The following MKX variants were observed in gnomAD, a reference collection of about 807,000 sequenced individuals.
MKX encodes the protein homeobox protein Mohawk.
A neutral mutation model predicts 36.0 loss-of-function variants in MKX; 13 were observed. The observed-to-expected ratio is 0.36, with a 90% confidence interval of 0.24 to 0.57. The LOEUF is 0.57. Ranked by LOEUF, MKX falls within the 20% of genes least tolerant of loss-of-function variation. The probability of loss-of-function intolerance (pLI) is 0.79; values close to 1 mark genes in which losing one functional copy is unlikely to be tolerated. For synonymous variants in MKX, 176 were observed against 178.3 expected (o/e 0.99, Z 0.10); for missense variants, 458 against 456.4 (o/e 1.00, Z -0.03).
intron 3 of MKX, among the ~76,000 whole-genome samples, chr10:27,740,077 GT>G (rs1834860456): frequency 6.6e-6 from 1 of 152,102 alleles, no homozygotes; most frequent in Non-Finnish European, 1.5e-5. Flanking sequence ...GAAAACAGAT[GT>G]TTTTGTATAT....
In MKX at chr10:27,730,745, A is replaced by G. The variant is rs1033087515; in HGVS notation, c.838+3711T>C. On this transcript the variant is annotated intron_variant, in intron 5 of 6. Transcript: ENST00000419761. ...AGTGCAGGGATTACAGGTGTGAGTC[A>G]CCATGCCCGGCCTCAATTGGCTATT... Among the ~76,000 whole-genome samples the G allele has an allele frequency of 5.9e-5, 9 of 151,988 alleles. No homozygotes were observed. In the East Asian group the frequency reaches 1.4e-3, roughly 23 times the overall value.
At chr10:27,735,199 C>A (rs1402781750) in intron 4 of MKX, 22 bp downstream of exon 4, 1 of 1,520,678 alleles carries the variant, frequency 6.6e-7, no homozygotes, top group Admixed American at 2.2e-5. Context: ...ACAAAGAAAG[C>A]AAAATAAAAA....
At chr10:27,703,911 T>G (rs2132531299) in intron 5 of MKX, among the ~76,000 whole-genome samples, 1 of 151,742 alleles carries the variant, frequency 6.6e-6, no homozygotes, top group South Asian at 2.1e-4. Flanking sequence ...AAAAAAAGAC[T>G]ACCAAAATGA....
intron 5 of MKX, among the ~76,000 whole-genome samples, chr10:27,678,829 T>C (rs1836201673): frequency 6.6e-6 from 1 of 152,202 alleles, no homozygotes; most frequent in African/African-American, 2.4e-5. Context: ...ACACGTTTAC[T>C]GCAGCCAACT....
intron 5 of MKX, among the ~76,000 whole-genome samples, chr10:27,731,351 GGTTAT>G (rs1834624650): frequency 6.6e-6 from 1 of 152,076 alleles, no homozygotes; most frequent in African/African-American, 2.4e-5. Flanking sequence ...TTCAGAAGAA[GGTTAT>G]ATGCCAGAGA....
chr10:27,720,488 A>G (rs1834353571), intron 5 of MKX, among the ~76,000 whole-genome samples: 1 of 152,188 alleles, frequency 6.6e-6, no homozygotes, highest in Non-Finnish European at 1.5e-5. Flanking sequence ...TAGGAAATGT[A>G]CTACTGTAAA....
chr10:27,692,790 A>T (rs1472816898), intron 5 of MKX, among the ~76,000 whole-genome samples: 1 of 152,210 alleles, frequency 6.6e-6, no homozygotes, highest in Non-Finnish European at 1.5e-5. Context: ...TTTATTATAC[A>T]CTGACATAGT....
At position 27,743,224 on chromosome 10, in the gene MKX, A is replaced by G. The variant is rs1256196486; in HGVS notation, c.188+4T>C. 1 of 1,497,234 alleles carries G rather than the reference A, an allele frequency of 6.7e-7. No individual in the cohort carries two copies. The highest frequency in any genetic ancestry group is 8.9e-7 in the Non-Finnish European group (1 of 1,129,940). The allele number at this position is 1,497,234 out of a possible 1,614,324, so 92.7% of individuals were successfully genotyped here. A position where few individuals can be genotyped will look rare whatever the true frequency, so the allele number is the denominator to read the frequency against. On this transcript the variant is annotated splice_donor_region_variant and intron_variant, in intron 2 of 6. Transcript: ENST00000419761. ...GGGCAGGGCCCCCAGGGGAGTGCGC[A>G]TACCCGGTCCTCCGGTGTCTCAGGC...
At chr10:27,722,164 G>A (rs567939405) in intron 5 of MKX, among the ~76,000 whole-genome samples, 5 of 152,294 alleles carry the variant, frequency 3.3e-5, no homozygotes, top group African/African-American at 1.2e-4. Flanking sequence ...ACGACATAAG[G>A]CAAGCATTGC....
chr10:27,705,349 T>G (rs928034919), intron 5 of MKX, among the ~76,000 whole-genome samples: 2 of 151,818 alleles, frequency 1.3e-5, no homozygotes, highest in Non-Finnish European at 2.9e-5. Flanking sequence ...TATATATCTG[T>G]TTTTTTTGTT....
At chr10:27,688,744 A>G (rs1836401891) in intron 5 of MKX, among the ~76,000 whole-genome samples, 1 of 152,208 alleles carries the variant, frequency 6.6e-6, no homozygotes, top group African/African-American at 2.4e-5. Context: ...CTTCTTAGCT[A>G]AATCTTAATT....
chr10:27,722,730 T>C (rs903655229), intron 5 of MKX, among the ~76,000 whole-genome samples: 10 of 151,940 alleles, frequency 6.6e-5, no homozygotes, highest in African/African-American at 2.4e-4. Flanking sequence ...GTTGAAGGAG[T>C]GGGGACTTTA....
intron 5 of MKX, among the ~76,000 whole-genome samples, chr10:27,695,191 T>C (rs549018915): frequency 6.6e-6 from 1 of 152,220 alleles, no homozygotes; most frequent in Non-Finnish European, 1.5e-5. Context: ...CGTGCCACTG[T>C]CTGCATTACA....
intron 5 of MKX, among the ~76,000 whole-genome samples, chr10:27,684,881 A>G (rs1836315621): frequency 6.6e-6 from 1 of 152,228 alleles, no homozygotes; most frequent in African/African-American, 2.4e-5. Context: ...GAAGTGCGCA[A>G]CCCTTGTATG....
intron 5 of MKX, among the ~76,000 whole-genome samples, chr10:27,721,091 CTCAGTGGGAAG>C (rs1365252655): frequency 1.3e-5 from 2 of 152,022 alleles, no homozygotes; most frequent in Non-Finnish European, 2.9e-5. Flanking sequence ...CTGCCATGCC[CTCAGTGGGAAG>C]ATTTGATATA....
In MKX at chr10:27,697,131, C is replaced by A. The variant is rs1836570203; in HGVS notation, c.839-21577G>T. ...ATACTCCTGGTATTTTACAAATAGG[C>A]TGACAATCCCAAAACTTCTTCCCCC... On this transcript the variant is annotated intron_variant, in intron 5 of 6. Transcript: ENST00000419761. Among the ~76,000 whole-genome samples, 4 of 152,172 alleles carry A rather than the reference C, an allele frequency of 2.6e-5. No homozygotes were observed. The South Asian group carries it at 8.3e-4, about 32-fold the overall frequency.
At chr10:27,735,103 TA>T in intron 4 of MKX, 117 bp downstream of exon 4, 2 of 954,592 alleles carry the variant, frequency 2.1e-6, no homozygotes, top group Non-Finnish European at 2.9e-6. Flanking sequence ...CTTCATGCAA[TA>T]AAAAAGAACC....
rs749757379 is a variant in MKX, at chr10:27,711,429, CTCTTTCTTTCTTTCTT to C, written c.838+23011_838+23026del. 1.1e-3 allele frequency among the ~76,000 whole-genome samples: 127 copies of C among 114,628 alleles called. 2 individuals carry two copies. In the Middle Eastern group the frequency reaches 0.014, roughly 12 times the overall value. 75.2% of individuals were successfully genotyped at this position (114,628 alleles called of 152,430 possible). ...CTTTCCTTCTTTCTTTCTTTCTTTT[CTCTTTCTTTCTTTCTT>C]TCTTTCTTTCTTTCTTTCTTTCTTT... is the stretch of plus-strand genomic sequence containing the variant. On this transcript the variant is annotated intron_variant, in intron 5 of 6. Coordinates refer to ENST00000419761, the MANE Select transcript of MKX (RefSeq NM_173576.3).
At chr10:27,713,293 T>G (rs769862514) in intron 5 of MKX, among the ~76,000 whole-genome samples, 16 of 152,328 alleles carry the variant, frequency 1.1e-4, no homozygotes, top group Admixed American at 2.0e-4. Flanking sequence ...TGTTGCCATC[T>G]GGGCTACACA....
Sources: allele counts gnomAD v4.1 joint callset (sites outside exome capture counted in the v4.1 genomes callset), GRCh38; gene constraint gnomAD v4.1.1; transcripts MANE v1.5; gene names NCBI Gene and HGNC (gene_info 2026-07-23, HGNC 2026-07-21).